Variants in POU3F3 observed in about 807,000 individuals in gnomAD.
The protein encoded by POU3F3 is POU domain, class 3, transcription factor 3.
A neutral mutation model predicts 8.6 loss-of-function variants in POU3F3; 1 was observed. The ratio of observed to expected loss-of-function variants is 0.12; its 90% CI spans 0.04 to 0.55. The LOEUF (loss-of-function observed/expected upper bound fraction) is 0.55. POU3F3 is among the 20% of genes least tolerant of loss of function. The pLI is 0.91. For synonymous variants in POU3F3, 418 were observed against 327.4 expected (o/e 1.28, Z -2.99); for missense variants, 577 against 690.7 (o/e 0.84, Z 1.84).
At chr2:104,917,739 G>A in the POU3F3 span, among the ~76,000 whole-genome samples, 1 of 152,136 alleles carries the variant, frequency 6.6e-6, no homozygotes, top group African/African-American at 2.4e-5. Flanking sequence ...AAGCAGCCCA[G>A]TACTAGGGTG....
the POU3F3 span, among the ~76,000 whole-genome samples, chr2:104,896,764 C>A: frequency 6.6e-6 from 1 of 152,200 alleles, no homozygotes; most frequent in African/African-American, 2.4e-5. Flanking sequence ...CCCTGTGCCC[C>A]GCCTCTCCTG....
upstream of POU3F3, chr2:104,853,385 G>A (rs1676476994): frequency 6.6e-6 from 1 of 152,374 alleles, no homozygotes; most frequent in African/African-American, 2.4e-5. Flanking sequence ...CTTAAACAAA[G>A]GGGGCTGCCG....
chr2:104,872,535 A>C, the POU3F3 span: 1 of 322,062 alleles, frequency 3.1e-6, no homozygotes, highest in Admixed American at 4.1e-5. The surrounding 1 kb of genome is among the most constrained non-coding windows in gnomAD (Gnocchi z 4.6). Flanking sequence ...TCCTCCCGCT[A>C]ACCCCCGCCC....
At chr2:104,911,806 G>A in the POU3F3 span, among the ~76,000 whole-genome samples, 1 of 152,006 alleles carries the variant, frequency 6.6e-6, no homozygotes, top group African/African-American at 2.4e-5. Flanking sequence ...ACCCAAACAA[G>A]TGGTCTCGAG....
chr2:104,855,811 C>A lies in POU3F3; in HGVS notation c.301C>A (p.Leu101Met). ...CCACGCGCACCAGTGGGTCACAGCC[C>A]TGCCCCACGCCGCCGCCGCCGCCGC... The part of the protein sequence containing the change: ...LSHAHQWVTA[L>M]PHAAAAAAAA... The change falls in exon 1 of 1, where the codon CTG (leucine) becomes ATG (methionine). Residue 101 changes from leucine to methionine, a missense_variant. Around this residue, in one of 7 missense-constraint regions of POU3F3, gnomAD observed 484 missense variants for 422.6 expected, o/e 1.15. Transcript: ENST00000361360. The A allele has an allele frequency of 8.4e-7, 1 of 1,196,162 alleles. No individual in the cohort carries two copies. The highest frequency in any genetic ancestry group is 1.0e-6 in the Non-Finnish European group (1 of 957,492). 74.1% of individuals were successfully genotyped at this position (1,196,162 alleles called of 1,614,324 possible). A position where few individuals can be genotyped will look rare whatever the true frequency, so the allele number is the denominator to read the frequency against.
At chr2:104,904,256 C>T in the POU3F3 span, among the ~76,000 whole-genome samples, 1 of 152,152 alleles carries the variant, frequency 6.6e-6, no homozygotes, top group East Asian at 1.9e-4. Context: ...AGCTAATTAT[C>T]AGAGAGTGAA....
chr2:104,917,008 G>A, the POU3F3 span, among the ~76,000 whole-genome samples: 1 of 152,208 alleles, frequency 6.6e-6, no homozygotes. Context: ...AAAGGCAGCA[G>A]AAAGATGATT....
chr2:104,919,614 G>T, the POU3F3 span, among the ~76,000 whole-genome samples: 6 of 152,138 alleles, frequency 3.9e-5, no homozygotes, highest in Admixed American at 2.0e-4. Flanking sequence ...TTATTTACTG[G>T]TCCTGTGTTC....
At chr2:104,863,781 C>G in the POU3F3 span, among the ~76,000 whole-genome samples, 2 of 152,346 alleles carry the variant, frequency 1.3e-5, no homozygotes, top group Non-Finnish European at 2.9e-5. Context: ...TGACTTGTTC[C>G]AACCCATAAC....
At chr2:104,877,941 C>G in the POU3F3 span, among the ~76,000 whole-genome samples, 3 of 152,196 alleles carry the variant, frequency 2.0e-5, no homozygotes, top group Non-Finnish European at 1.5e-5. Flanking sequence ...CAGGCGTGAG[C>G]CACCACGCCC....
At chr2:104,871,199 T>C in the POU3F3 span, among the ~76,000 whole-genome samples, 1 of 152,224 alleles carries the variant, frequency 6.6e-6, no homozygotes, top group Non-Finnish European at 1.5e-5. Context: ...CCATATATTG[T>C]GTAACCACCA....
chr2:104,926,249 A>T, the POU3F3 span, among the ~76,000 whole-genome samples: 1 of 152,230 alleles, frequency 6.6e-6, no homozygotes, highest in Non-Finnish European at 1.5e-5. Context: ...AACTTCAACA[A>T]ATTTACAAGA....
the POU3F3 span, among the ~76,000 whole-genome samples, chr2:104,905,681 G>A: frequency 6.6e-6 from 1 of 152,136 alleles, no homozygotes; most frequent in Non-Finnish European, 1.5e-5. Flanking sequence ...GGCTTCCAGC[G>A]ATCCTCAGCC....
chr2:104,910,237 T>A, the POU3F3 span, among the ~76,000 whole-genome samples: 1 of 152,102 alleles, frequency 6.6e-6, no homozygotes. Flanking sequence ...TCAGCCCATG[T>A]CTTCTTTGGG....
rs1205744583 is a variant in POU3F3 at position 104,855,571 on chromosome 2, A to C, written c.61A>C (p.Ile21Leu). ...PGNSLLAAGS[I>L]VHSDAAGAGG... ...GAACAGCCTGCTCGCGGCCGGCTCT[A>C]TTGTGCACTCGGACGCGGCAGGGGC... Residue 21 changes from isoleucine to leucine, a missense_variant, in exon 1 of 1, where the codon ATT becomes CTT. Around this residue, in one of 7 missense-constraint regions of POU3F3, gnomAD observed 484 missense variants for 422.6 expected, o/e 1.15. Coordinates refer to ENST00000361360, the MANE Select transcript of POU3F3 (RefSeq NM_006236.3). 5.0e-6 allele frequency: 5 copies of C among 991,012 alleles called. No homozygotes were observed. Among genetic ancestry groups the C allele is most frequent in the African/African-American group, 2.2e-5 (1 of 45,290 alleles). The allele number at this position is 991,012 out of a possible 1,614,324, so 61.4% of individuals were successfully genotyped here. A position where few individuals can be genotyped will look rare whatever the true frequency, so the allele number is the denominator to read the frequency against.
the POU3F3 span, among the ~76,000 whole-genome samples, chr2:104,924,685 A>T: frequency 6.6e-6 from 1 of 152,164 alleles, no homozygotes; most frequent in African/African-American, 2.4e-5. Flanking sequence ...TCATAACCTC[A>T]TCTCTTCATC....
At chr2:104,912,928 G>A in the POU3F3 span, among the ~76,000 whole-genome samples, 52 of 152,186 alleles carry the variant, frequency 3.4e-4, no homozygotes, top group Non-Finnish European at 5.7e-4. Flanking sequence ...ATATGTTCAA[G>A]CATTACTCAT....
chr2:104,924,026 CAG>C, the POU3F3 span, among the ~76,000 whole-genome samples: 1 of 152,172 alleles, frequency 6.6e-6, no homozygotes, highest in East Asian at 1.9e-4. Flanking sequence ...TTAACGGATA[CAG>C]AGTTTCAGTT....
the POU3F3 span, among the ~76,000 whole-genome samples, chr2:104,873,191 C>G: frequency 9.9e-5 from 15 of 152,156 alleles, 1 homozygote; most frequent in Admixed American, 3.9e-4. Context: ...AGCGCTGGGC[C>G]GGTAAGTAAG....
Sources: allele counts gnomAD v4.1 joint callset (sites outside exome capture counted in the v4.1 genomes callset), GRCh38; gene constraint gnomAD v4.1.1; regional missense constraint gnomAD v4.1.1; non-coding constraint Gnocchi (gnomAD v3.1); transcripts MANE v1.5; gene names NCBI Gene and HGNC (gene_info 2026-07-23, HGNC 2026-07-21).